The following LRP1B variants were observed in gnomAD, a reference collection of about 807,000 sequenced individuals.
LRP1B encodes the protein low-density lipoprotein receptor-related protein 1B.
A neutral mutation model predicts 556.6 loss-of-function variants in LRP1B; 217 were observed. The observed-to-expected ratio is 0.39, with a 90% CI of 0.35 to 0.44. The LOEUF (loss-of-function observed/expected upper bound fraction) is 0.44. Among genes scored for constraint, LRP1B ranks in the 20% least tolerant of loss-of-function variants. LRP1B has a pLI of 1.00. For synonymous variants in LRP1B, 2,047 were observed against 1,865.8 expected, an observed-to-expected ratio of 1.10 and a Z score of -2.50; for missense variants, 5,053 against 5,620.8, an observed-to-expected ratio of 0.90 and a Z score of 3.23.
intron 35 of LRP1B, among the ~76,000 whole-genome samples, chr2:140,760,520 A>G (rs1688882581): frequency 2.0e-5 from 3 of 152,186 alleles, no homozygotes. Context: ...TGAATCCCAC[A>G]TATTGAATGG....
chr2:142,089,226 C>T (rs924310692), intron 1 of LRP1B, among the ~76,000 whole-genome samples: 1 of 24,322 alleles, frequency 4.1e-5, no homozygotes, highest in Non-Finnish European at 8.2e-5. Flanking sequence ...TTTTTTTCTG[C>T]AACTATTTAA....
chr2:142,086,478 G>A (rs914035332), intron 1 of LRP1B, among the ~76,000 whole-genome samples: 4 of 152,136 alleles, frequency 2.6e-5, no homozygotes, highest in South Asian at 4.1e-4. Flanking sequence ...GGTGGCGGGC[G>A]CCTGTAGTCC....
At chr2:140,993,889 A>C in intron 16 of LRP1B, 106 bp downstream of exon 16, 1 of 1,145,340 alleles carries the variant, frequency 8.7e-7, no homozygotes, top group African/African-American at 1.5e-5. Flanking sequence ...AACTAGGTTC[A>C]ATCTGCATCA....
At chr2:140,715,930 A>G in intron 37 of LRP1B, 43 bp downstream of exon 37, 1 of 1,449,422 alleles carries the variant, frequency 6.9e-7, no homozygotes, top group Non-Finnish European at 9.3e-7. Flanking sequence ...AACTTAGAAA[A>G]CTCACATAAA....
At chr2:141,169,006 C>A (rs1230606648) in intron 7 of LRP1B, among the ~76,000 whole-genome samples, 1 of 151,858 alleles carries the variant, frequency 6.6e-6, no homozygotes, top group Non-Finnish European at 1.5e-5. Context: ...ATGGGACTGG[C>A]CAGGCGCGGT....
At chr2:140,341,147 G>A (rs919254887) in intron 77 of LRP1B, among the ~76,000 whole-genome samples, 7 of 151,478 alleles carry the variant, frequency 4.6e-5, no homozygotes, top group Non-Finnish European at 1.0e-4. Flanking sequence ...AATAAATTGT[G>A]TTCTTATATC....
At chr2:140,937,753 G>A (rs1244725897) in intron 20 of LRP1B, among the ~76,000 whole-genome samples, 2 of 151,856 alleles carry the variant, frequency 1.3e-5, no homozygotes, top group African/African-American at 2.4e-5. Flanking sequence ...AAAGATGGTG[G>A]GTTAGCTGAG....
intron 20 of LRP1B, among the ~76,000 whole-genome samples, chr2:140,938,739 G>A (rs764730480): frequency 4.6e-5 from 7 of 151,872 alleles, no homozygotes; most frequent in Admixed American, 1.3e-4. Context: ...ATAAAATGTC[G>A]GACAATTAGT....
intron 2 of LRP1B, among the ~76,000 whole-genome samples, chr2:141,802,625 G>C (rs1028654025): frequency 6.6e-6 from 1 of 151,844 alleles, no homozygotes; most frequent in Non-Finnish European, 1.5e-5. Context: ...GAGAGGGAGA[G>C]AGAAAAAAAG....
intron 77 of LRP1B, among the ~76,000 whole-genome samples, chr2:140,345,781 TATATATACAC>T (rs1681632199): frequency 1.6e-5 from 2 of 127,668 alleles, no homozygotes; most frequent in African/African-American, 6.8e-5. Context: ...TATATATACA[TATATATACAC>T]ATATATACAT....
intron 1 of LRP1B, among the ~76,000 whole-genome samples, chr2:142,033,326 T>C (rs998005089): frequency 5.3e-5 from 8 of 151,770 alleles, no homozygotes; most frequent in Non-Finnish European, 1.0e-4. Flanking sequence ...TAGACGTCTA[T>C]CTTTAAATGT....
At chr2:141,021,549 G>A (rs1021430283) in intron 11 of LRP1B, among the ~76,000 whole-genome samples, 3 of 152,010 alleles carry the variant, frequency 2.0e-5, no homozygotes, top group Admixed American at 6.6e-5. Flanking sequence ...ATAATGGAAT[G>A]AGAGTAGTTA....
chr2:141,642,704 G>A (rs567084297), intron 2 of LRP1B, among the ~76,000 whole-genome samples: 2 of 148,654 alleles, frequency 1.3e-5, no homozygotes, highest in African/African-American at 5.1e-5. Flanking sequence ...ATGTGAGCTA[G>A]AGCACCATCG....
In LRP1B at chr2:140,702,610, G is replaced by A. The variant is rs1686690445; in HGVS notation, c.6024-57C>T. The A allele has an allele frequency of 5.9e-6, 9 of 1,535,034 alleles. No individual in the cohort carries two copies. In the South Asian group the frequency reaches 1.0e-4, roughly 17 times the overall value. ...TGTACATTTATTTGTAGTATGCAGA[G>A]CTATGCAAAAAGACATTACTAATAA... is the stretch of plus-strand genomic sequence containing the variant. On this transcript the variant is annotated intron_variant, in intron 37 of 90. Coordinates refer to ENST00000389484, the MANE Select transcript of LRP1B (RefSeq NM_018557.3).
intron 32 of LRP1B, among the ~76,000 whole-genome samples, chr2:140,809,011 T>C (rs1188633244): frequency 6.6e-6 from 1 of 151,956 alleles, no homozygotes; most frequent in African/African-American, 2.4e-5. Flanking sequence ...AGTGGTACAG[T>C]TGGGTGTTGG....
intron 78 of LRP1B, among the ~76,000 whole-genome samples, chr2:140,335,311 A>C (rs1306870747): frequency 6.6e-6 from 1 of 151,948 alleles, no homozygotes. Context: ...ATTCAATTTT[A>C]GATTATAAAC....
At chr2:141,822,130 C>CACACAGAGAGAGAGAGAGAGAG (rs374369026) in intron 1 of LRP1B, among the ~76,000 whole-genome samples, 6 of 95,896 alleles carry the variant, frequency 6.3e-5, no homozygotes, top group Non-Finnish European at 2.0e-5. Context: ...CACACACACA[C>CACACAGAGAGAGAGAGAGAGAG]AGAGAGAGAG....
At chr2:141,648,231 C>T (rs373417289) in intron 2 of LRP1B, among the ~76,000 whole-genome samples, 2 of 152,192 alleles carry the variant, frequency 1.3e-5, no homozygotes, top group Non-Finnish European at 2.9e-5. Context: ...TGACTGAACT[C>T]CACCATTAAT....
At chr2:141,969,704 G>T (rs1701671099) in intron 1 of LRP1B, among the ~76,000 whole-genome samples, 1 of 151,636 alleles carries the variant, frequency 6.6e-6, no homozygotes, top group Non-Finnish European at 1.5e-5. Flanking sequence ...GTGCTACAAT[G>T]AACACTGGAG....
Sources: gnomAD v4.1 joint callset for allele counts (sites outside exome capture counted in the v4.1 genomes callset) on GRCh38, gnomAD v4.1.1 for gene constraint, MANE v1.5 for transcripts, NCBI Gene and HGNC (gene_info 2026-07-23, HGNC 2026-07-21) for gene names.